The following SRPK2 variants were observed in gnomAD, a reference collection of about 807,000 sequenced individuals.
The protein encoded by SRPK2 is SRSF protein kinase 2, also known as SFRS protein kinase 2.
Under a neutral mutation model 90.8 loss-of-function variants are expected in SRPK2, and 21 were observed. The observed-to-expected ratio is 0.23, with a 90% CI of 0.16 to 0.33. The LOEUF (loss-of-function observed/expected upper bound fraction) is 0.33. Ranked by LOEUF, SRPK2 falls within the 10% of genes least tolerant of loss-of-function variation. SRPK2 has a pLI of 1.00. For synonymous variants in SRPK2, 288 were observed against 311.1 expected, an observed-to-expected ratio of 0.93 and a Z score of 0.78; for missense variants, 620 against 869.0, an observed-to-expected ratio of 0.71 and a Z score of 3.60.
In SRPK2 at chr7:105,301,620, T is replaced by A. The variant is rs540224281; in HGVS notation, c.71+87028A>T. 1.8e-4 allele frequency: 286 copies of A among 1,609,328 alleles called. 3 individuals are homozygous for A. In the South Asian group the frequency reaches 2.8e-3, roughly 16 times the overall value. On this transcript the variant is annotated intron_variant, in intron 2 of 15. Transcript: ENST00000393651. ...AATTAAGTTCAGTTTCTTTTCAATA[T>A]AGGATAGGTGAAAATGGTGATCCCA...
intron 13 of SRPK2, among the ~76,000 whole-genome samples, chr7:105,132,269 G>A (rs905731648): frequency 9.9e-5 from 15 of 152,206 alleles, no homozygotes; most frequent in African/African-American, 3.4e-4. Context: ...GCTTTATAAG[G>A]GAAGAGAGAT....
At chr7:105,163,155 T>G (rs867959788) in intron 6 of SRPK2, among the ~76,000 whole-genome samples, 2 of 152,346 alleles carry the variant, frequency 1.3e-5, no homozygotes, top group South Asian at 2.1e-4. Context: ...GAAAACACTA[T>G]GCATAGATTT....
intron 11 of SRPK2, among the ~76,000 whole-genome samples, chr7:105,138,541 T>A (rs1803230037): frequency 6.6e-6 from 1 of 152,206 alleles, no homozygotes; most frequent in Non-Finnish European, 1.5e-5. Flanking sequence ...GCTCACGCCT[T>A]TAATCCCAGC....
chr7:105,328,293 G>A (rs576685998), intron 2 of SRPK2, among the ~76,000 whole-genome samples: 2 of 152,254 alleles, frequency 1.3e-5, no homozygotes, highest in African/African-American at 4.8e-5. Flanking sequence ...CGGGGGCAGT[G>A]GCTCACACCT....
upstream of SRPK2, chr7:105,389,315 C>T (rs776500813): frequency 1.6e-6 from 2 of 1,281,552 alleles, no homozygotes; most frequent in East Asian, 1.2e-4. Context: ...CTCGCACCAC[C>T]TCTCTTCCCG....
chr7:105,270,152 A>G (rs1805633276), intron 2 of SRPK2, among the ~76,000 whole-genome samples: 3 of 152,350 alleles, frequency 2.0e-5, no homozygotes, highest in Middle Eastern at 3.4e-3. Flanking sequence ...TTTTAAGCTT[A>G]TAACTTCAAT....
intron 2 of SRPK2, among the ~76,000 whole-genome samples, chr7:105,206,193 AC>A (rs1228805602): frequency 6.6e-6 from 1 of 152,070 alleles, no homozygotes; most frequent in Non-Finnish European, 1.5e-5. Context: ...ATGCGTGTAG[AC>A]ACTGACAAAT....
intron 2 of SRPK2, among the ~76,000 whole-genome samples, chr7:105,339,961 G>A (rs1355059224): frequency 6.6e-6 from 1 of 151,936 alleles, no homozygotes; most frequent in African/African-American, 2.4e-5. Context: ...GGGGGGCTGA[G>A]GTGGGAGGAT....
upstream of SRPK2, among the ~76,000 whole-genome samples, chr7:105,390,994 G>C (rs1822166359): frequency 3.9e-5 from 6 of 152,030 alleles, no homozygotes; most frequent in Admixed American, 3.3e-4. Flanking sequence ...CAAGATACAG[G>C]TACCTTTTCC....
At chr7:105,287,510 G>T in intron 2 of SRPK2, among the ~76,000 whole-genome samples, 1 of 152,086 alleles carries the variant, frequency 6.6e-6, no homozygotes, top group African/African-American at 2.4e-5. Flanking sequence ...GCTGAGGAGG[G>T]GAGATCACTT....
intron 2 of SRPK2, among the ~76,000 whole-genome samples, chr7:105,291,204 T>C (rs1161627042): frequency 2.0e-5 from 3 of 152,178 alleles, no homozygotes; most frequent in African/African-American, 2.4e-5. Flanking sequence ...CCAGAGATGA[T>C]GGCAGGGGCC....
chr7:105,387,104 A>G (rs926193007), intron 2 of SRPK2, among the ~76,000 whole-genome samples: 3 of 152,246 alleles, frequency 2.0e-5, no homozygotes, highest in African/African-American at 7.2e-5. Flanking sequence ...CGTAAAGGTA[A>G]CATGCACATA....
intron 2 of SRPK2, among the ~76,000 whole-genome samples, chr7:105,334,216 G>T (rs1425883541): frequency 6.6e-6 from 1 of 152,184 alleles, no homozygotes. Flanking sequence ...CAAGTAGCTG[G>T]GACTATAGGC....
At chr7:105,129,125 C>T (rs1214946183) in intron 13 of SRPK2, among the ~76,000 whole-genome samples, 1 of 152,166 alleles carries the variant, frequency 6.6e-6, no homozygotes, top group Admixed American at 6.5e-5. Flanking sequence ...CCACGCCCGG[C>T]TAATTTTTTG....
chr7:105,306,398 T>G, intron 2 of SRPK2: 1 of 409,026 alleles, frequency 2.4e-6, no homozygotes, highest in Non-Finnish European at 4.7e-6. Context: ...AAAGTACGTA[T>G]CACTAGAACC....
intron 3 of SRPK2, among the ~76,000 whole-genome samples, chr7:105,170,151 C>G (rs948466914): frequency 2.0e-5 from 3 of 152,170 alleles, no homozygotes; most frequent in Admixed American, 6.5e-5. Flanking sequence ...GTACGTTATG[C>G]ACATACCAGC....
upstream of SRPK2, among the ~76,000 whole-genome samples, chr7:105,390,013 A>AT (rs1357171221): frequency 6.6e-6 from 1 of 152,224 alleles, no homozygotes; most frequent in African/African-American, 2.4e-5. Flanking sequence ...GGAAAATACA[A>AT]TTAACAGCCA....
chr7:105,312,255 T>C (rs549226087), intron 2 of SRPK2, among the ~76,000 whole-genome samples: 1 of 151,844 alleles, frequency 6.6e-6, no homozygotes, highest in South Asian at 2.1e-4. Flanking sequence ...GCCTGGACAA[T>C]ATAGTGAAAC....
chr7:105,118,072 C>G, intron 15 of SRPK2, 50 bp from the exon 16 acceptor site: 1 of 1,594,402 alleles, frequency 6.3e-7, no homozygotes, highest in Non-Finnish European at 8.6e-7. Context: ...AATCTGCATT[C>G]CCCATTGTTG....
Sources: allele counts gnomAD v4.1 joint callset (sites outside exome capture counted in the v4.1 genomes callset), GRCh38; gene constraint gnomAD v4.1.1; transcripts MANE v1.5; gene names NCBI Gene and HGNC (gene_info 2026-07-23, HGNC 2026-07-21).